RRBP1: variants seen among roughly 807,000 people sequenced by gnomAD.
The protein encoded by RRBP1 is ribosome-binding protein 1.
RRBP1 carries 94 observed loss-of-function variants against 165.2 expected under a neutral mutation model. The observed-to-expected ratio is 0.57, with a 90% CI of 0.48 to 0.68. The LOEUF (loss-of-function observed/expected upper bound fraction) is 0.68. RRBP1 is among the 30% of genes least tolerant of loss of function. The pLI, the probability that RRBP1 is intolerant of heterozygous loss-of-function variation, is 0.00. For missense variants in RRBP1, 1,676 were observed against 1,763.0 expected, an observed-to-expected ratio of 0.95 and a Z score of 0.88; for synonymous variants, 680 against 714.5, an observed-to-expected ratio of 0.95 and a Z score of 0.77.
chr20:17,657,447 C>G (rs2036665208), intron 3 of RRBP1, among the ~76,000 whole-genome samples: 1 of 152,184 alleles, frequency 6.6e-6, no homozygotes, highest in South Asian at 2.1e-4. Context: ...AGACACAGGG[C>G]CTGTGCAGCC....
rs574516036 is a variant in RRBP1 at position 17,661,686 on chromosome 20, G to T, written c.-21-1158C>A. 6.2e-4 allele frequency among the ~76,000 whole-genome samples: 94 copies of T among 152,304 alleles called. 1 individual carries two copies. The highest frequency in any genetic ancestry group is 2.2e-3 in the African/African-American group (90 of 41,566). Reference sequence around the variant, plus strand: ...ACAAGGGTAAGAAGGGGTGGTTAAGGGGAGGTAAAAGGAGGTGGAAGAGGA... The same window carrying T: ...ACAAGGGTAAGAAGGGGTGGTTAAGTGGAGGTAAAAGGAGGTGGAAGAGGA... On this transcript the variant is annotated intron_variant, in intron 2 of 24. Transcript: ENST00000377813.
chr20:17,616,616 T>C, intron 21 of RRBP1, 116 bp downstream of exon 21: 1 of 667,194 alleles, frequency 1.5e-6, no homozygotes. Context: ...CAGGGTGGGG[T>C]GGGGAAGCAG....
chr20:17,654,646 G>A (rs1481320517), intron 3 of RRBP1, among the ~76,000 whole-genome samples: 6 of 152,166 alleles, frequency 3.9e-5, no homozygotes, highest in African/African-American at 9.7e-5. Context: ...CACTGTGGCT[G>A]GAGCTCTGGA....
intron 3 of RRBP1, among the ~76,000 whole-genome samples, chr20:17,653,954 T>C (rs2036603372): frequency 6.6e-6 from 1 of 151,698 alleles, no homozygotes; most frequent in African/African-American, 2.4e-5. Context: ...TAATATCAGA[T>C]ACCCACCAGC....
In RRBP1 at chr20:17,636,642, C is replaced by G. The variant is rs199895813; in HGVS notation, c.2272G>C (p.Val758Leu). The G allele has an allele frequency of 6.8e-6, 11 of 1,613,100 alleles. No individual in the cohort carries two copies. In the Admixed American group the frequency reaches 1.7e-4, roughly 24 times the overall value. ...LVAREQEITA[V>L]QARMQASYRE... ...TAGCTGGCCTGCATGCGTGCCTGCA[C>G]AGCCGTGATCTCCTGCTCCCGGGCC... The change falls in exon 6 of 25, where the codon GTG becomes CTG. Residue 758 changes from valine (V) to leucine (L), a missense_variant. Coordinates refer to ENST00000377813, the MANE Select transcript of RRBP1 (RefSeq NM_001365613.2).
intron 18 of RRBP1, 33 bp downstream of exon 18, chr20:17,620,266 C>A: frequency 6.5e-7 from 1 of 1,539,572 alleles, no homozygotes; most frequent in Non-Finnish European, 9.0e-7. Context: ...GCTCCCGGGA[C>A]AAGAGAAAGA....
At chr20:17,646,919 C>G (rs1003911281) in intron 3 of RRBP1, among the ~76,000 whole-genome samples, 1 of 152,234 alleles carries the variant, frequency 6.6e-6, no homozygotes, top group Non-Finnish European at 1.5e-5. Flanking sequence ...CCCCCCACAT[C>G]AGCTGCTGGA....
intron 21 of RRBP1, 115 bp downstream of exon 21, chr20:17,616,617 G>A (rs2035805503): frequency 1.5e-6 from 1 of 679,844 alleles, no homozygotes; most frequent in South Asian, 1.8e-5. Flanking sequence ...AGGGTGGGGT[G>A]GGGAAGCAGC....
intron 9 of RRBP1, among the ~76,000 whole-genome samples, chr20:17,628,314 C>T (rs1311853964): frequency 1.3e-5 from 2 of 152,182 alleles, no homozygotes; most frequent in African/African-American, 2.4e-5. Flanking sequence ...CCCAACATCC[C>T]GACCTCCCAG....
chr20:17,650,497 A>G (rs574353835), intron 3 of RRBP1, among the ~76,000 whole-genome samples: 1 of 152,302 alleles, frequency 6.6e-6, no homozygotes, highest in East Asian at 1.9e-4. Context: ...ACCCCCGTCC[A>G]TTAGGCAGAA....
At position 17,643,040 on chromosome 20, in the gene RRBP1, G is replaced by A. The variant is rs2036395680; in HGVS notation, c.2000C>T (p.Ala667Val). The change falls in exon 4 of 25, where the codon GCC (alanine) becomes GTC (valine). Residue 667 changes from alanine (A) to valine (V), a missense_variant. Coordinates refer to ENST00000377813, the MANE Select transcript of RRBP1 (RefSeq NM_001365613.2). The surrounding 1 kb of genome is among the most constrained non-coding windows in gnomAD (Gnocchi z 4.3). ...AGACAGGATCTCGATGAGCCGCTGGGCCTCGCCCTCGTTGAACACCATGCT... is the reference window on the plus strand; with the variant it reads ...AGACAGGATCTCGATGAGCCGCTGGACCTCGCCCTCGTTGAACACCATGCT... The part of the protein sequence containing the change: ...VGSMVFNEGE[A>V]QRLIEILSEK... The A allele has an allele frequency of 4.3e-6, 7 of 1,614,098 alleles. No individual in the cohort carries two copies. Among genetic ancestry groups the A allele is most frequent in the Non-Finnish European group, 5.9e-6 (7 of 1,180,020 alleles).
intron 2 of RRBP1, among the ~76,000 whole-genome samples, chr20:17,664,557 AT>A (rs113080239): frequency 2.7e-3 from 411 of 152,340 alleles, no homozygotes; most frequent in African/African-American, 9.0e-3. Flanking sequence ...CACCTCTAAG[AT>A]CTTGAGAGAA....
intron 3 of RRBP1, among the ~76,000 whole-genome samples, chr20:17,649,708 C>T (rs1470308251): frequency 6.6e-6 from 1 of 152,132 alleles, no homozygotes; most frequent in East Asian, 1.9e-4. Context: ...GACAACTCTT[C>T]CCCATACCCC....
chr20:17,636,414 C>T (rs553743574), intron 6 of RRBP1, among the ~76,000 whole-genome samples, 163 bp downstream of exon 6: 1 of 152,344 alleles, frequency 6.6e-6, no homozygotes, highest in Admixed American at 6.5e-5. Context: ...CAGCCAAATG[C>T]AACAGCCCCT....
chr20:17,625,455 CG>C, intron 12 of RRBP1, 56 bp downstream of exon 12: 12 of 1,500,480 alleles, frequency 8.0e-6, no homozygotes, highest in Middle Eastern at 1.8e-4. Context: ...GAACCTTTCC[CG>C]GCCCCACCTG....
In RRBP1 at chr20:17,676,906, CCTG is replaced by C. The variant is rs913050028; in HGVS notation, c.-22+3090_-22+3092del. 1.8e-4 allele frequency among the ~76,000 whole-genome samples: 27 copies of C among 152,224 alleles called. 1 individual carries two copies. Among genetic ancestry groups the C allele is most frequent in the African/African-American group, 6.3e-4 (26 of 41,532 alleles). On this transcript the variant is annotated intron_variant, in intron 2 of 24. Coordinates refer to ENST00000377813, the MANE Select transcript of RRBP1 (RefSeq NM_001365613.2). ...AGGACTACAGGCACATGCCACCATGCCTGGCTAGTTTTTGCATTCTTTATAGAG... is the reference window on the plus strand; with the variant it reads ...AGGACTACAGGCACATGCCACCATGCGCTAGTTTTTGCATTCTTTATAGAG...
chr20:17,660,616 C>T, intron 2 of RRBP1, 88 bp from the exon 3 acceptor site: 1 of 792,252 alleles, frequency 1.3e-6, no homozygotes, highest in Non-Finnish European at 2.1e-6. Flanking sequence ...CTTCAGGTTT[C>T]ACTAATTCTT....
At chr20:17,617,137 G>A (rs2035816721) in intron 20 of RRBP1, among the ~76,000 whole-genome samples, 2 of 152,242 alleles carry the variant, frequency 1.3e-5, no homozygotes, top group African/African-American at 4.8e-5. Context: ...ACAGAGCAAA[G>A]GAATCCGAAT....
At position 17,620,004 on chromosome 20, in the gene RRBP1, G is replaced by A. The variant is rs142087486; in HGVS notation, c.3580-276C>T. ...TACCTTCTCCAGGGCTCCCTGTGGC[G>A]TCTGAAGGGGGCAGTGGGGCCACCT... is the stretch of plus-strand genomic sequence containing the variant. On this transcript the variant is annotated intron_variant, in intron 18 of 24. Transcript: ENST00000377813. Among the ~76,000 whole-genome samples, 10 of 152,290 alleles carry A rather than the reference G, an allele frequency of 6.6e-5. No homozygotes were observed. The East Asian group carries it at 9.7e-4, about 15-fold the overall frequency.
Sources: gnomAD v4.1 joint callset for allele counts (sites outside exome capture counted in the v4.1 genomes callset) on GRCh38, gnomAD v4.1.1 for gene constraint, Gnocchi (gnomAD v3.1) non-coding constraint, MANE v1.5 for transcripts, NCBI Gene and HGNC (gene_info 2026-07-23, HGNC 2026-07-21) for gene names.